Variants in CHD7 observed in about 807,000 individuals in gnomAD.
The protein encoded by CHD7 is chromodomain helicase DNA binding protein 7.
A neutral mutation model predicts 307.3 loss-of-function variants in CHD7; 24 were observed. The ratio of observed to expected loss-of-function variants is 0.08; its 90% confidence interval spans 0.06 to 0.11. The LOEUF is 0.11. Among genes scored for constraint, CHD7 ranks in the 10% least tolerant of loss-of-function variants. The pLI is 1.00. For missense variants in CHD7, 3,106 were observed against 3,727.1 expected, an observed-to-expected ratio of 0.83 and a Z score of 4.34; for synonymous variants, 1,363 against 1,349.9, an observed-to-expected ratio of 1.01 and a Z score of -0.21.
intron 2 of CHD7, among the ~76,000 whole-genome samples, chr8:60,778,013 T>C (rs1447393801): frequency 1.3e-5 from 2 of 149,000 alleles, no homozygotes; most frequent in Non-Finnish European, 3.0e-5. Flanking sequence ...TGATTACCTG[T>C]CAGGCAGTGG....
intron 1 of CHD7, among the ~76,000 whole-genome samples, chr8:60,711,261 G>T (rs1217789542): frequency 6.6e-6 from 1 of 152,130 alleles, no homozygotes; most frequent in Non-Finnish European, 1.5e-5. Context: ...AATTTTAAAG[G>T]AAAAAGTGAT....
chr8:60,800,364 C>A (rs1812243568), intron 4 of CHD7, 24 bp from the exon 5 acceptor site: 1 of 1,608,210 alleles, frequency 6.2e-7, no homozygotes, highest in South Asian at 1.1e-5. Context: ...ATTTCAAGGC[C>A]ACTGTCTTGG....
chr8:60,739,664 T>G (rs1586244130), intron 1 of CHD7, among the ~76,000 whole-genome samples: 1 of 152,358 alleles, frequency 6.6e-6, no homozygotes, highest in South Asian at 2.1e-4. Flanking sequence ...TCAGGTGTTA[T>G]GTCTGTAGTT....
chr8:60,814,680 C>T (rs1442377681), intron 7 of CHD7, among the ~76,000 whole-genome samples: 4 of 152,190 alleles, frequency 2.6e-5, no homozygotes, highest in Admixed American at 6.5e-5. Context: ...CTACTGGCCT[C>T]AGGTGATCTG....
intron 1 of CHD7, among the ~76,000 whole-genome samples, chr8:60,684,613 C>T (rs1805791207): frequency 6.6e-6 from 1 of 152,122 alleles, no homozygotes. Context: ...GGGGTGAGGG[C>T]ACTTCAGGCA....
intron 1 of CHD7, among the ~76,000 whole-genome samples, chr8:60,688,085 G>A (rs1057037382): frequency 5.3e-5 from 8 of 152,208 alleles, no homozygotes; most frequent in African/African-American, 1.9e-4. Flanking sequence ...GTCATGGGAT[G>A]TCTTCGTACC....
At chr8:60,683,360 G>T (rs1805726512) in intron 1 of CHD7, among the ~76,000 whole-genome samples, 1 of 152,248 alleles carries the variant, frequency 6.6e-6, no homozygotes, top group African/African-American at 2.4e-5. Flanking sequence ...TCAGGTTGCA[G>T]TGATGGCAGA....
chr8:60,819,840 G>A (rs1803942552), intron 8 of CHD7, among the ~76,000 whole-genome samples, 167 bp from the exon 9 acceptor site: 1 of 152,174 alleles, frequency 6.6e-6, no homozygotes, highest in Admixed American at 6.5e-5. Flanking sequence ...TTCCTCATGG[G>A]GAGTGATTTT....
At chr8:60,754,095 C>T (rs138943725) in intron 2 of CHD7, among the ~76,000 whole-genome samples, 11 of 152,298 alleles carry the variant, frequency 7.2e-5, no homozygotes, top group African/African-American at 2.6e-4. Flanking sequence ...TTTTAAGCCT[C>T]TCACCCCTCC....
chr8:60,748,987 T>TAAAAAAA (rs372874769), intron 2 of CHD7, among the ~76,000 whole-genome samples: 1 of 149,230 alleles, frequency 6.7e-6, no homozygotes, highest in African/African-American at 2.5e-5. Context: ...TTTTTTTTTT[T>TAAAAAAA]AAAAAAATAG....
intron 2 of CHD7, among the ~76,000 whole-genome samples, chr8:60,747,825 A>G (rs1563567006): frequency 6.6e-6 from 1 of 152,222 alleles, no homozygotes; most frequent in African/African-American, 2.4e-5. Flanking sequence ...TCAGGACTTC[A>G]TTTCATTATC....
intron 2 of CHD7, among the ~76,000 whole-genome samples, chr8:60,744,970 G>GA (rs1370318671): frequency 6.6e-6 from 1 of 150,996 alleles, no homozygotes; most frequent in Non-Finnish European, 1.5e-5. Context: ...AGACTCCTGG[G>GA]ACCACAGGAC....
chr8:60,774,695 G>A (rs1055905054), intron 2 of CHD7, among the ~76,000 whole-genome samples: 2 of 152,354 alleles, frequency 1.3e-5, no homozygotes, highest in Non-Finnish European at 2.9e-5. Flanking sequence ...TGGGTATGGC[G>A]GAGGGTGAAG....
chr8:60,856,366 C>T, intron 33 of CHD7, 79 bp from the exon 34 acceptor site: 1 of 1,383,706 alleles, frequency 7.2e-7, no homozygotes, highest in Non-Finnish European at 9.7e-7. Context: ...GCTTCTTGTT[C>T]CTTATTTCTA....
intron 15 of CHD7, among the ~76,000 whole-genome samples, chr8:60,832,524 G>T (rs1306340143): frequency 6.6e-6 from 1 of 152,180 alleles, no homozygotes; most frequent in Non-Finnish European, 1.5e-5. Flanking sequence ...GAGGACACGT[G>T]TGTGCATGCA....
chr8:60,848,481 A>G, intron 23 of CHD7, 34 bp from the exon 24 acceptor site: 3 of 1,517,484 alleles, frequency 2.0e-6, no homozygotes, highest in Non-Finnish European at 2.7e-6. Context: ...TCCTGAAGTT[A>G]AGAACTTTTT....
chr8:60,849,819 G>A (rs1300453648), intron 25 of CHD7, among the ~76,000 whole-genome samples: 1 of 152,212 alleles, frequency 6.6e-6, no homozygotes, highest in South Asian at 2.1e-4. Flanking sequence ...GTGTGTTGTA[G>A]TACACATCCT....
intron 1 of CHD7, among the ~76,000 whole-genome samples, chr8:60,699,308 G>T (rs567955068): frequency 3.0e-4 from 46 of 152,208 alleles, no homozygotes; most frequent in African/African-American, 1.0e-3. Context: ...GCTGTGCTTT[G>T]TATGAGATGA....
chr8:60,690,588 G>T (rs752826078), intron 1 of CHD7, among the ~76,000 whole-genome samples: 6 of 152,118 alleles, frequency 3.9e-5, no homozygotes, highest in Non-Finnish European at 8.8e-5. Flanking sequence ...GCTGCTAAAG[G>T]CCAGCAGGAT....
Sources: allele counts gnomAD v4.1 joint callset (sites outside exome capture counted in the v4.1 genomes callset), GRCh38; gene constraint gnomAD v4.1.1; transcripts MANE v1.5; gene names NCBI Gene and HGNC (gene_info 2026-07-23, HGNC 2026-07-21).